Variants in UBR3 observed in about 807,000 individuals in gnomAD.
UBR3 encodes ubiquitin protein ligase E3 component n-recognin 3, also known as E3 ubiquitin-protein ligase UBR3.
UBR3 carries 85 observed loss-of-function variants against 243.2 expected under a neutral mutation model. The ratio of observed to expected loss-of-function variants is 0.35; its 90% CI spans 0.29 to 0.42. The LOEUF (loss-of-function observed/expected upper bound fraction) is 0.42, where lower values mean the gene tolerates loss of function less well. Ranked by LOEUF, UBR3 falls within the 10% of genes least tolerant of loss-of-function variation. The pLI, the probability that UBR3 is intolerant of heterozygous loss-of-function variation, is 1.00. For synonymous variants in UBR3, 748 were observed against 799.8 expected, an observed-to-expected ratio of 0.94 and a Z score of 1.09; for missense variants, 1,686 against 2,300.8, an observed-to-expected ratio of 0.73 and a Z score of 5.47.
chr2:169,896,219 C>T (rs780554371), intron 7 of UBR3, among the ~76,000 whole-genome samples: 9 of 151,624 alleles, frequency 5.9e-5, no homozygotes, highest in South Asian at 2.1e-4. Flanking sequence ...ACTGGGGAGG[C>T]GGAGGTTGCA....
At chr2:170,003,984 T>A (rs1197004828) in intron 27 of UBR3, among the ~76,000 whole-genome samples, 3 of 152,054 alleles carry the variant, frequency 2.0e-5, no homozygotes, top group Non-Finnish European at 2.9e-5. Flanking sequence ...GGTGCTTGAG[T>A]GATGAGAGAT....
chr2:169,883,187 C>T (rs1173169000), intron 5 of UBR3, among the ~76,000 whole-genome samples: 2 of 152,168 alleles, frequency 1.3e-5, no homozygotes, highest in Middle Eastern at 3.2e-3. Flanking sequence ...TGGCTGCAGC[C>T]ATAGTCATCT....
rs1558998986 is a variant in UBR3, at chr2:169,836,061, A to ATTTTTTTTT, written c.545+8010_545+8011insTTTTTTTTT. 5.9e-5 allele frequency among the ~76,000 whole-genome samples: 2 copies of ATTTTTTTTT among 33,990 alleles called. 1 individual carries two copies. Among genetic ancestry groups the ATTTTTTTTT allele is most frequent in the Non-Finnish European group, 1.3e-4 (2 of 15,538 alleles). 22.3% of individuals were successfully genotyped at this position (33,990 alleles called of 152,430 possible). A position where few individuals can be genotyped will look rare whatever the true frequency, so the allele number is the denominator to read the frequency against. ...TCTCTCTCTATATATATATATATAT[A>ATTTTTTTTT]TATATATTTTTTTTTTTTTTTTTTT... is the stretch of plus-strand genomic sequence containing the variant. On this transcript the variant is annotated intron_variant, in intron 1 of 38. Transcript: ENST00000272793.
At chr2:169,975,062 T>A (rs2088363218) in intron 24 of UBR3, among the ~76,000 whole-genome samples, 1 of 152,040 alleles carries the variant, frequency 6.6e-6, no homozygotes, top group Non-Finnish European at 1.5e-5. Flanking sequence ...TACAGCTACT[T>A]GAGAGGCTGA....
chr2:169,926,725 A>G lies in UBR3; in HGVS notation c.2185A>G (p.Ile729Val). 2 of 1,550,082 alleles carry G rather than the reference A, an allele frequency of 1.3e-6. No individual in the cohort carries two copies. Among genetic ancestry groups the G allele is most frequent in the Non-Finnish European group, 1.7e-6 (2 of 1,146,494 alleles). Residue 729 changes from isoleucine to valine, a missense_variant, in exon 15 of 39, where the codon ATT (isoleucine) becomes GTT (valine). Coordinates refer to ENST00000272793, the MANE Select transcript of UBR3 (RefSeq NM_172070.4). ...TTCTAGACTTGACCCAGATTATTTT[A>G]TTTCATCCGTCTTTGAAAGGTAGGC... ...CASRLDPDYF[I>V]SSVFERFKVV...
chr2:169,877,418 A>G, intron 3 of UBR3, 76 bp from the exon 4 acceptor site: 1 of 1,282,636 alleles, frequency 7.8e-7, no homozygotes, highest in Admixed American at 3.0e-5. Context: ...CTATTTATAG[A>G]TACTAGTTAA....
intron 7 of UBR3, among the ~76,000 whole-genome samples, chr2:169,896,103 T>C (rs538876943): frequency 1.3e-5 from 2 of 152,016 alleles, no homozygotes; most frequent in South Asian, 4.2e-4. Context: ...TTGAGATCAG[T>C]CTGGCCAAAC....
chr2:169,972,206 T>A (rs2088188926), intron 24 of UBR3, among the ~76,000 whole-genome samples: 1 of 152,150 alleles, frequency 6.6e-6, no homozygotes, highest in Non-Finnish European at 1.5e-5. Flanking sequence ...CTCCCAAGAC[T>A]AAACCAGGAA....
At position 169,838,572 on chromosome 2, in the gene UBR3, G is replaced by C. The variant is rs538942799; in HGVS notation, c.545+10520G>C. Among the ~76,000 whole-genome samples, 7 of 152,184 alleles carry C rather than the reference G, an allele frequency of 4.6e-5. 1 individual carries two copies. Among genetic ancestry groups the C allele is most frequent in the East Asian group, 1.9e-4 (1 of 5,180 alleles). On this transcript the variant is annotated intron_variant, in intron 1 of 38. Coordinates refer to ENST00000272793, the MANE Select transcript of UBR3 (RefSeq NM_172070.4). ...TCATGACTTAATCACATCCCCAAAGGCTTCCGCCTCTTAATACCACCACAG... is the reference window on the plus strand; with the variant it reads ...TCATGACTTAATCACATCCCCAAAGCCTTCCGCCTCTTAATACCACCACAG...
chr2:169,960,236 CA>C (rs11461641), intron 24 of UBR3, among the ~76,000 whole-genome samples: 294 of 64,010 alleles, frequency 4.6e-3, no homozygotes, highest in Middle Eastern at 0.038. Flanking sequence ...GTGACAAGAG[CA>C]AAAAAAAAAA....
chr2:169,921,055 A>G lies in UBR3; in HGVS notation c.1867-2874A>G, dbSNP rs188169201. ...AAAGTGGATTTAAGAGATACTTAAAAAATAAGTAAACATAATTTGATACCT... is the reference window on the plus strand; with the variant it reads ...AAAGTGGATTTAAGAGATACTTAAAGAATAAGTAAACATAATTTGATACCT... On this transcript the variant is annotated intron_variant, in intron 11 of 38. Coordinates refer to ENST00000272793, the MANE Select transcript of UBR3 (RefSeq NM_172070.4). 2.6e-3 allele frequency among the ~76,000 whole-genome samples: 394 copies of G among 152,358 alleles called. 2 individuals carry two copies. The highest frequency in any genetic ancestry group is 6.3e-3 in the Admixed American group (97 of 15,308).
chr2:169,836,035 CTCTCTCTCTATA>C lies in UBR3; in HGVS notation c.545+7985_545+7996del, dbSNP rs1408895053. On this transcript the variant is annotated intron_variant, in intron 1 of 38. Coordinates refer to ENST00000272793, the MANE Select transcript of UBR3 (RefSeq NM_172070.4). ...TCTCTCTCTCTCTCTCTCTCTCTCT[CTCTCTCTCTATA>C]TATATATATATATATATATATTTTT... Among the ~76,000 whole-genome samples, 86 of 16,280 alleles carry C rather than the reference CTCTCTCTCTATA, an allele frequency of 5.3e-3. 1 individual carries two copies. Among genetic ancestry groups the C allele is most frequent in the African/African-American group, 7.6e-3 (29 of 3,818 alleles). 10.7% of individuals were successfully genotyped at this position (16,280 alleles called of 152,430 possible).
chr2:170,001,938 A>AAAAAAAAAG (rs1559175182), intron 27 of UBR3, among the ~76,000 whole-genome samples: 8 of 130,046 alleles, frequency 6.2e-5, no homozygotes, highest in African/African-American at 2.7e-4. Flanking sequence ...AAAAAAAAAA[A>AAAAAAAAAG]AAAAGAAAGA....
intron 24 of UBR3, among the ~76,000 whole-genome samples, chr2:169,974,070 T>C (rs2088305743): frequency 6.6e-6 from 1 of 152,166 alleles, no homozygotes; most frequent in Non-Finnish European, 1.5e-5. Flanking sequence ...AGTGATCTTT[T>C]AGCTTTCTAG....
At chr2:169,995,318 C>T (rs2089440108) in intron 26 of UBR3, among the ~76,000 whole-genome samples, 1 of 152,132 alleles carries the variant, frequency 6.6e-6, no homozygotes, top group Admixed American at 6.5e-5. Flanking sequence ...TGACAGCACT[C>T]ATTGTTTTGT....
chr2:169,876,048 A>T, intron 3 of UBR3, 99 bp downstream of exon 3: 12 of 1,041,712 alleles, frequency 1.2e-5, no homozygotes, highest in Non-Finnish European at 1.5e-5. Context: ...TAGAATTTTC[A>T]TAGAATGCTA....
chr2:169,836,297 C>G (rs1030596062), intron 1 of UBR3, among the ~76,000 whole-genome samples: 7 of 151,174 alleles, frequency 4.6e-5, no homozygotes, highest in African/African-American at 1.7e-4. Flanking sequence ...ATTGGCCAGG[C>G]TGGTCTCGAA....
intron 24 of UBR3, among the ~76,000 whole-genome samples, chr2:169,975,177 C>T (rs2088368309): frequency 6.6e-6 from 1 of 152,092 alleles, no homozygotes; most frequent in African/African-American, 2.4e-5. Flanking sequence ...CTCAAAAAAA[C>T]AACAACAAAA....
At chr2:169,992,481 T>A (rs1251467258) in intron 25 of UBR3, among the ~76,000 whole-genome samples, 1 of 152,138 alleles carries the variant, frequency 6.6e-6, no homozygotes, top group Non-Finnish European at 1.5e-5. Flanking sequence ...CCCTTATGAG[T>A]ATACATGCAA....
Sources: allele counts gnomAD v4.1 joint callset (sites outside exome capture counted in the v4.1 genomes callset), GRCh38; gene constraint gnomAD v4.1.1; transcripts MANE v1.5; gene names NCBI Gene and HGNC (gene_info 2026-07-23, HGNC 2026-07-21).